Variants in PI4K2B observed in about 807,000 individuals in gnomAD.
PI4K2B encodes phosphatidylinositol 4-kinase type 2-beta.
Under a neutral mutation model 56.6 loss-of-function variants are expected in PI4K2B, and 46 were observed. The observed-to-expected ratio is 0.81, with a 90% CI of 0.64 to 1.04. PI4K2B has a LOEUF of 1.04. Ranked by LOEUF, PI4K2B falls within the 50% of genes least tolerant of loss-of-function variation. The pLI is 0.00. For missense variants in PI4K2B, 556 were observed against 607.7 expected, an observed-to-expected ratio of 0.91 and a Z score of 0.89; for synonymous variants, 211 against 223.8, an observed-to-expected ratio of 0.94 and a Z score of 0.51.
At chr4:25,258,213 C>CTTTT (rs545122643) in intron 4 of PI4K2B, among the ~76,000 whole-genome samples, 1 of 119,012 alleles carries the variant, frequency 8.4e-6, no homozygotes. Context: ...GGAATCTGTC[C>CTTTT]TTTTTTTTTT....
chr4:25,246,722 G>T (rs1329830459), intron 1 of PI4K2B, among the ~76,000 whole-genome samples: 1 of 152,194 alleles, frequency 6.6e-6, no homozygotes. Flanking sequence ...CCACGGCGGC[G>T]GGGGGAGGCT....
intron 6 of PI4K2B, among the ~76,000 whole-genome samples, chr4:25,261,632 C>T (rs953025070): frequency 2.0e-5 from 3 of 151,968 alleles, no homozygotes; most frequent in East Asian, 3.9e-4. Flanking sequence ...AATACATATT[C>T]GTAGCACTTA....
chr4:25,255,983 A>G (rs1265969175), intron 3 of PI4K2B, among the ~76,000 whole-genome samples: 1 of 149,740 alleles, frequency 6.7e-6, no homozygotes. Context: ...TAGGGATGCA[A>G]TCATGGCTCA....
In PI4K2B at chr4:25,277,163, G is replaced by A. The variant is rs1425335615; in HGVS notation, c.1422G>A (p.Arg474=). ...SNSFTQTVNC[R]KPFFSSW The stretch of plus-strand genomic sequence containing the variant: ...CCTTTACCCAGACTGTCAATTGCAG[G>A]AAGCCATTTTTTTCCTCCTGGTAGT... Residue 474 remains arginine (R), a synonymous_variant, in exon 10 of 10, where the codon AGG becomes AGA. Coordinates refer to ENST00000264864, the MANE Select transcript of PI4K2B (RefSeq NM_018323.4). The A allele has an allele frequency of 1.9e-6, 3 of 1,612,554 alleles. No homozygotes were observed. The highest frequency in any genetic ancestry group is 2.5e-6 in the Non-Finnish European group (3 of 1,178,994).
intron 1 of PI4K2B, among the ~76,000 whole-genome samples, chr4:25,242,327 G>A (rs942832398): frequency 1.3e-5 from 2 of 152,220 alleles, no homozygotes; most frequent in Admixed American, 6.5e-5. Flanking sequence ...CCTAGACCTT[G>A]GGCCAGTGCC....
At position 25,236,206 on chromosome 4, in the gene PI4K2B, AAAATAAATAAATAAATAAATAAATAAAT is replaced by A. The variant is rs55804997; in HGVS notation, c.268+1800_268+1827del. On this transcript the variant is annotated intron_variant, in intron 1 of 9. Transcript: ENST00000264864. ...TGAGACAGAGCAAGACTCTGTCTCA[AAAATAAATAAATAAATAAATAAATAAAT>A]AAATAAATAAATAAATAAATAAATT... 8.2e-3 allele frequency among the ~76,000 whole-genome samples: 1,143 copies of A among 139,742 alleles called. 8 individuals are homozygous for A. The highest frequency in any genetic ancestry group is 0.012 in the Non-Finnish European group (754 of 65,150). The allele number at this position is 139,742 out of a possible 152,430, so 91.7% of individuals were successfully genotyped here. A position where few individuals can be genotyped will look rare whatever the true frequency, so the allele number is the denominator to read the frequency against.
chr4:25,267,721 C>G (rs1454419045), intron 7 of PI4K2B: 1 of 947,758 alleles, frequency 1.1e-6, no homozygotes, highest in African/African-American at 1.8e-5. Context: ...CTGTACAAAT[C>G]TCTCTAGTCC....
At chr4:25,234,524 G>A (rs1560362587) in intron 1 of PI4K2B, 93 bp downstream of exon 1, 1 of 917,852 alleles carries the variant, frequency 1.1e-6, no homozygotes, top group African/African-American at 1.7e-5. Flanking sequence ...GCTGGCCGAG[G>A]TGGACGGGCT....
At chr4:25,265,642 G>A (rs1049026860) in intron 7 of PI4K2B, among the ~76,000 whole-genome samples, 4 of 151,996 alleles carry the variant, frequency 2.6e-5, no homozygotes, top group South Asian at 4.1e-4. Flanking sequence ...AAATTTCTAC[G>A]TCAGCTTATT....
At chr4:25,275,683 A>AC (rs1199058409) in intron 9 of PI4K2B, among the ~76,000 whole-genome samples, 7 of 152,268 alleles carry the variant, frequency 4.6e-5, no homozygotes, top group Admixed American at 3.3e-4. Flanking sequence ...ACAAAACAAA[A>AC]AAAAAGAAAA....
intron 2 of PI4K2B, among the ~76,000 whole-genome samples, chr4:25,253,811 G>A (rs1466357916): frequency 4.6e-5 from 7 of 152,046 alleles, no homozygotes; most frequent in African/African-American, 7.2e-5. Flanking sequence ...TCACTCTGTC[G>A]CCCAGGCTGG....
intron 1 of PI4K2B, 61 bp from the exon 2 acceptor site, chr4:25,252,259 TA>T: frequency 1.6e-6 from 2 of 1,217,962 alleles, no homozygotes; most frequent in Non-Finnish European, 2.4e-6. Context: ...ACCGGCAAGC[TA>T]ATCGATATTA....
Position 25,241,568 on chromosome 4 carries a change from G to C in PI4K2B, c.268+7137G>C, listed in dbSNP as rs187771573. 5.3e-5 allele frequency among the ~76,000 whole-genome samples: 8 copies of C among 152,310 alleles called. No individual in the cohort carries two copies. The East Asian group carries it at 1.5e-3, about 29-fold the overall frequency. On this transcript the variant is annotated intron_variant, in intron 1 of 9. Transcript: ENST00000264864. ...AGTAGCACCTGGTATCTAAGTAGGC[G>C]GTTGTCTGATAGCCATAAACTTCCT... is the stretch of plus-strand genomic sequence containing the variant.
intron 6 of PI4K2B, among the ~76,000 whole-genome samples, chr4:25,260,840 C>G (rs1716445204): frequency 6.9e-6 from 1 of 145,240 alleles, no homozygotes; most frequent in African/African-American, 2.5e-5. Flanking sequence ...ATTTTTGTCA[C>G]TTGTTTACGT....
intron 1 of PI4K2B, among the ~76,000 whole-genome samples, chr4:25,245,243 C>T (rs1715707710): frequency 6.6e-6 from 1 of 152,080 alleles, no homozygotes; most frequent in Non-Finnish European, 1.5e-5. Context: ...TACTAGAAGT[C>T]ATTTTATAGG....
chr4:25,257,143 G>A (rs1015410534), intron 4 of PI4K2B, among the ~76,000 whole-genome samples: 4 of 151,288 alleles, frequency 2.6e-5, no homozygotes, highest in Admixed American at 1.3e-4. Flanking sequence ...CTGCAGCCTC[G>A]ACCTCGTGGG....
chr4:25,245,176 C>T (rs544888377), intron 1 of PI4K2B, among the ~76,000 whole-genome samples: 5 of 152,174 alleles, frequency 3.3e-5, no homozygotes, highest in African/African-American at 1.2e-4. Context: ...GGGCTTCGGG[C>T]AAAAATTATG....
rs1395832165 is a variant in PI4K2B, at chr4:25,271,691, C to T, written c.1272+2488C>T. Among the ~76,000 whole-genome samples, 3 of 152,290 alleles carry T rather than the reference C, an allele frequency of 2.0e-5. No individual in the cohort carries two copies. In the East Asian group the frequency reaches 5.8e-4, roughly 29 times the overall value. ...TTGTGTTTGAAATAAATTGACTTGA[C>T]ATATCAATATGCTTCATCTTCTGGA... is the stretch of plus-strand genomic sequence containing the variant. On this transcript the variant is annotated intron_variant, in intron 9 of 9. Transcript: ENST00000264864.
intron 7 of PI4K2B, 143 bp from the exon 8 acceptor site, chr4:25,268,300 C>T: frequency 1.6e-6 from 1 of 614,002 alleles, no homozygotes; most frequent in Non-Finnish European, 2.8e-6. Context: ...ATTTGGATTG[C>T]AGTGGGTAGT....
Sources: allele counts gnomAD v4.1 joint callset (sites outside exome capture counted in the v4.1 genomes callset), GRCh38; gene constraint gnomAD v4.1.1; transcripts MANE v1.5; gene names NCBI Gene and HGNC (gene_info 2026-07-23, HGNC 2026-07-21).